TMEM74: variants seen among roughly 807,000 people sequenced by gnomAD.
TMEM74 encodes transmembrane protein 74.
Under a neutral mutation model 18.1 loss-of-function variants are expected in TMEM74, and 13 were observed. The observed-to-expected ratio is 0.72, with a 90% CI of 0.47 to 1.14. The LOEUF (loss-of-function observed/expected upper bound fraction) is 1.14. TMEM74 is among the 50% of genes most tolerant of loss of function. TMEM74 has a pLI of 0.00. For missense variants in TMEM74, 372 were observed against 375.9 expected (o/e 0.99, Z 0.09); for synonymous variants, 159 against 146.6 (o/e 1.08, Z -0.61).
intron 1 of TMEM74, among the ~76,000 whole-genome samples, chr8:108,671,809 T>C (rs1813007520): frequency 6.6e-6 from 1 of 152,156 alleles, no homozygotes; most frequent in Non-Finnish European, 1.5e-5. Flanking sequence ...AGTTAAGAAT[T>C]TGATAAATTA....
intron 2 of TMEM74, among the ~76,000 whole-genome samples, chr8:108,630,927 C>G (rs1413828546): frequency 1.3e-5 from 2 of 151,940 alleles, no homozygotes; most frequent in African/African-American, 2.4e-5. Flanking sequence ...AGGCAGGAAC[C>G]AGCCCTGGAC....
Position 108,709,368 on chromosome 8 carries a change from GT to G in TMEM74, n.120-53932del, listed in dbSNP as rs139016116. Among the ~76,000 whole-genome samples, 692 of 152,248 alleles carry G rather than the reference GT, an allele frequency of 4.5e-3. 4 individuals carry two copies. The highest frequency in any genetic ancestry group is 7.5e-3 in the Non-Finnish European group (513 of 68,010). On this transcript the variant is annotated intron_variant and non_coding_transcript_variant, in intron 1 of 3. Coordinates refer to the TMEM74 transcript ENST00000518838. ...CCTTAAAAAAGAAGGGTATCCTGCT[GT>G]TTGTGACAACATCAATAAACCTAGG...
intron 1 of TMEM74, among the ~76,000 whole-genome samples, chr8:108,757,339 A>G (rs926983497): frequency 2.0e-5 from 3 of 152,088 alleles, no homozygotes; most frequent in African/African-American, 7.2e-5. Flanking sequence ...ATGTAACCCT[A>G]GTTAATAAAA....
In TMEM74 at chr8:108,786,264, A is replaced by G. The variant is rs559536841; in HGVS notation, c.-39-1127T>C. Among the ~76,000 whole-genome samples, 5 of 152,364 alleles carry G rather than the reference A, an allele frequency of 3.3e-5. No individual in the cohort carries two copies. The East Asian group carries it at 7.7e-4, about 24-fold the overall frequency. ...ATTTCTGGGAGAGAACTTTGGTTTGAGCAGAAAACCATCGGCTTTTCTCTG... is the reference window on the plus strand; with the variant it reads ...ATTTCTGGGAGAGAACTTTGGTTTGGGCAGAAAACCATCGGCTTTTCTCTG... On this transcript the variant is annotated intron_variant, in intron 1 of 1. Coordinates refer to ENST00000297459, the MANE Select transcript of TMEM74 (RefSeq NM_153015.3).
chr8:108,784,366 T>A lies in TMEM74; in HGVS notation c.733A>T (p.Ile245Phe), dbSNP rs1814348149. 6.2e-7 allele frequency: 1 copy of A among 1,614,064 alleles called. No individual in the cohort carries two copies. Among genetic ancestry groups the A allele is most frequent in the Non-Finnish European group, 8.5e-7 (1 of 1,180,034 alleles). The change falls in exon 2 of 2, where the codon ATC becomes TTC. Residue 245 changes from isoleucine to phenylalanine, a missense_variant. Transcript: ENST00000297459. ...GLCLLTLGGV[I>F]LSCLLMMSMW... ...GACATCATTAACAAGCAGGACAGGA[T>A]GACGCCCCCCAGCGTGAGGAGGCAG...
chr8:108,638,314 GT>G (rs35085202), intron 2 of TMEM74, among the ~76,000 whole-genome samples: 33,346 of 151,954 alleles, frequency 0.22, 3,682 homozygotes, highest in East Asian at 0.27. Context: ...CAATTTCAAA[GT>G]TTTTAAGGTT....
chr8:108,741,270 C>T (rs556885064), intron 1 of TMEM74, among the ~76,000 whole-genome samples: 17 of 152,196 alleles, frequency 1.1e-4, no homozygotes, highest in African/African-American at 3.4e-4. Flanking sequence ...GGCATGAACA[C>T]GTAGGTGATT....
chr8:108,671,861 G>T (rs1417907005), intron 1 of TMEM74, among the ~76,000 whole-genome samples: 1 of 152,162 alleles, frequency 6.6e-6, no homozygotes, highest in Non-Finnish European at 1.5e-5. Context: ...AAAAGGTAAA[G>T]TGTTAAATGA....
intron 3 of TMEM74, chr8:108,608,717 C>T (rs1812304293): frequency 6.6e-6 from 1 of 152,194 alleles, no homozygotes; most frequent in African/African-American, 2.4e-5. Context: ...CCTGATCTCC[C>T]ACCTTGAGTG....
At chr8:108,669,312 G>A (rs1003948672) in intron 1 of TMEM74, among the ~76,000 whole-genome samples, 8 of 152,090 alleles carry the variant, frequency 5.3e-5, no homozygotes, top group Admixed American at 3.3e-4. Flanking sequence ...GCTCAAGAAG[G>A]AGCGGATATA....
At chr8:108,627,144 G>T (rs570067277) in intron 2 of TMEM74, among the ~76,000 whole-genome samples, 2 of 151,980 alleles carry the variant, frequency 1.3e-5, no homozygotes, top group Admixed American at 6.6e-5. Context: ...TTATTACTTG[G>T]GTTTTTAGAG....
At chr8:108,663,299 A>C (rs940025432) in intron 1 of TMEM74, among the ~76,000 whole-genome samples, 10 of 152,174 alleles carry the variant, frequency 6.6e-5, no homozygotes, top group African/African-American at 2.4e-4. Context: ...AAAAGTGGGC[A>C]AAGGACATGA....
intron 1 of TMEM74, among the ~76,000 whole-genome samples, chr8:108,662,515 CAA>C (rs1300683060): frequency 6.6e-6 from 1 of 152,086 alleles, no homozygotes. Context: ...CGTTTTTCCA[CAA>C]AGAGTTTAGT....
At chr8:108,767,226 A>G (rs1306286191) in intron 1 of TMEM74, among the ~76,000 whole-genome samples, 1 of 152,212 alleles carries the variant, frequency 6.6e-6, no homozygotes, top group Non-Finnish European at 1.5e-5. Context: ...AACACTCATC[A>G]GAGAATTCAA....
At chr8:108,758,793 A>G (rs1205001515) in intron 1 of TMEM74, among the ~76,000 whole-genome samples, 1 of 152,080 alleles carries the variant, frequency 6.6e-6, no homozygotes, top group African/African-American at 2.4e-5. Flanking sequence ...ATTCCCATCA[A>G]TGGGATGTTA....
At chr8:108,686,199 C>CT (rs973539407) in intron 1 of TMEM74, among the ~76,000 whole-genome samples, 5 of 151,930 alleles carry the variant, frequency 3.3e-5, no homozygotes, top group Non-Finnish European at 5.9e-5. Context: ...TTTTATACTT[C>CT]TTTTTTTGTT....
chr8:108,651,955 A>AT (rs947405949), intron 2 of TMEM74, among the ~76,000 whole-genome samples: 1 of 151,878 alleles, frequency 6.6e-6, no homozygotes, highest in Non-Finnish European at 1.5e-5. Flanking sequence ...AAAAAAAAAA[A>AT]TCCTAGTGCA....
At chr8:108,786,273 C>T (rs1814384230) in intron 1 of TMEM74, among the ~76,000 whole-genome samples, 1 of 152,204 alleles carries the variant, frequency 6.6e-6, no homozygotes, top group Non-Finnish European at 1.5e-5. Context: ...GAGCAGAAAA[C>T]CATCGGCTTT....
At chr8:108,693,976 A>G (rs1307233454) in intron 1 of TMEM74, among the ~76,000 whole-genome samples, 1 of 152,244 alleles carries the variant, frequency 6.6e-6, no homozygotes, top group East Asian at 1.9e-4. Context: ...TATTCTTTCA[A>G]AAGGAAACCA....
Sources: allele counts gnomAD v4.1 joint callset (sites outside exome capture counted in the v4.1 genomes callset), GRCh38; gene constraint gnomAD v4.1.1; transcripts MANE v1.5; gene names NCBI Gene and HGNC (gene_info 2026-07-23, HGNC 2026-07-21).